Variants in PDLIM5 observed in about 807,000 individuals in gnomAD.
PDLIM5 encodes PDZ and LIM domain 5.
Under a neutral mutation model 64.2 loss-of-function variants are expected in PDLIM5, and 34 were observed. The observed-to-expected ratio is 0.53, with a 90% CI of 0.40 to 0.71. PDLIM5 has a LOEUF of 0.71. Among genes scored for constraint, PDLIM5 ranks in the 30% least tolerant of loss-of-function variants. The pLI, the probability that PDLIM5 is intolerant of heterozygous loss-of-function variation, is 0.00. For synonymous variants in PDLIM5, 253 were observed against 269.1 expected (o/e 0.94, Z 0.59); for missense variants, 683 against 733.6 (o/e 0.93, Z 0.80).
At chr4:94,475,906 T>C (rs1027737229) in intron 2 of PDLIM5, among the ~76,000 whole-genome samples, 4 of 152,170 alleles carry the variant, frequency 2.6e-5, no homozygotes, top group African/African-American at 9.7e-5. Context: ...CAAGACAGTG[T>C]AAAGTTTGTC....
intron 3 of PDLIM5, chr4:94,549,708 T>TAG (rs1316068210): frequency 6.6e-6 from 1 of 152,198 alleles, no homozygotes; most frequent in African/African-American, 2.4e-5. Context: ...ACACACATGT[T>TAG]AGAGGGCAAT....
intron 2 of PDLIM5, among the ~76,000 whole-genome samples, chr4:94,509,809 G>A (rs199752548): frequency 1.9e-4 from 29 of 150,500 alleles, no homozygotes; most frequent in East Asian, 7.9e-4. Flanking sequence ...TTTTCTGTCT[G>A]CTTTATATTC....
At chr4:94,587,600 AG>A in intron 7 of PDLIM5, 1 of 972,266 alleles carries the variant, frequency 1.0e-6, no homozygotes, top group Non-Finnish European at 1.2e-6. Context: ...ATTAAAGAAG[AG>A]TGCGTGCATT....
chr4:94,645,443 T>C (rs1741337720), intron 9 of PDLIM5, among the ~76,000 whole-genome samples: 1 of 152,214 alleles, frequency 6.6e-6, no homozygotes, highest in Non-Finnish European at 1.5e-5. Context: ...TATGCCTGTT[T>C]TACAGATGGA....
Position 94,575,901 on chromosome 4 carries a change from G to A in PDLIM5, c.577G>A (p.Ala193Thr), listed in dbSNP as rs761869114. ...ANLSADQSPS[A>T]LSAGKTAVNV... The stretch of plus-strand genomic sequence containing the variant: ...TCTTAGTGCTGACCAGTCTCCATCT[G>A]CACTGAGCGCTGGTAAAACTGCAGT... The change falls in exon 5 of 13, where the codon GCA becomes ACA. Residue 193 changes from alanine (A) to threonine (T), a missense_variant. Coordinates refer to ENST00000317968, the MANE Select transcript of PDLIM5 (RefSeq NM_006457.5). 2.5e-6 allele frequency: 4 copies of A among 1,614,128 alleles called. No homozygotes were observed. The highest frequency in any genetic ancestry group is 3.4e-6 in the Non-Finnish European group (4 of 1,180,028).
intron 2 of PDLIM5, among the ~76,000 whole-genome samples, chr4:94,461,802 GA>G (rs1344594271): frequency 2.0e-5 from 3 of 152,154 alleles, no homozygotes; most frequent in African/African-American, 7.2e-5. Context: ...GTAAATAGAG[GA>G]GAGTAAAATG....
chr4:94,650,012 A>C (rs985884075), intron 9 of PDLIM5, among the ~76,000 whole-genome samples: 2 of 152,220 alleles, frequency 1.3e-5, no homozygotes, highest in Non-Finnish European at 2.9e-5. Flanking sequence ...CTGAAAGTTA[A>C]AGTTGACATT....
At chr4:94,457,639 T>G (rs1048704697) in intron 2 of PDLIM5, among the ~76,000 whole-genome samples, 2 of 152,230 alleles carry the variant, frequency 1.3e-5, no homozygotes, top group African/African-American at 2.4e-5. Context: ...GTAATAGAAA[T>G]GCAAATAGAG....
intron 3 of PDLIM5, among the ~76,000 whole-genome samples, chr4:94,527,632 GGAAGCA>G (rs145000965): frequency 0.018 from 2,672 of 152,276 alleles, 77 homozygotes; most frequent in African/African-American, 0.061. Context: ...AACAGGATTG[GGAAGCA>G]GAAGAAACTG....
chr4:94,525,793 T>TTA (rs1241497604), intron 3 of PDLIM5, among the ~76,000 whole-genome samples: 1 of 152,212 alleles, frequency 6.6e-6, no homozygotes, highest in African/African-American at 2.4e-5. Context: ...GAATCAATGT[T>TTA]TATATGTATT....
intron 7 of PDLIM5, 84 bp downstream of exon 7, chr4:94,586,528 G>A: frequency 1.3e-6 from 1 of 782,812 alleles, no homozygotes; most frequent in African/African-American, 1.8e-5. Flanking sequence ...CAAGTATAAT[G>A]GTATGGCATT....
intron 2 of PDLIM5, among the ~76,000 whole-genome samples, chr4:94,461,639 T>C (rs1399867789): frequency 1.3e-5 from 2 of 152,194 alleles, no homozygotes; most frequent in Non-Finnish European, 2.9e-5. Flanking sequence ...TATAGTTATC[T>C]ACCCTTCTGT....
intron 5 of PDLIM5, chr4:94,577,366 C>T (rs1226613727): frequency 2.2e-6 from 1 of 456,578 alleles, no homozygotes; most frequent in East Asian, 7.0e-5. Flanking sequence ...GGTGGCAAAA[C>T]TCCAGGCTGC....
intron 9 of PDLIM5, 38 bp downstream of exon 9, chr4:94,640,488 T>G: frequency 7.9e-7 from 1 of 1,268,674 alleles, no homozygotes. Flanking sequence ...AAGTACTTAA[T>G]ATCAATGTTG....
At chr4:94,631,777 C>T (rs978758254) in intron 8 of PDLIM5, among the ~76,000 whole-genome samples, 1 of 152,194 alleles carries the variant, frequency 6.6e-6, no homozygotes, top group African/African-American at 2.4e-5. Flanking sequence ...CCGTGACATA[C>T]TCTTCTGGTT....
At chr4:94,533,724 A>G (rs1731088264) in intron 3 of PDLIM5, among the ~76,000 whole-genome samples, 1 of 152,150 alleles carries the variant, frequency 6.6e-6, no homozygotes, top group African/African-American at 2.4e-5. Context: ...CTCTCTTCCT[A>G]TTTCTCTCTT....
intron 2 of PDLIM5, among the ~76,000 whole-genome samples, chr4:94,472,172 A>T (rs544776713): frequency 1.3e-5 from 2 of 152,088 alleles, no homozygotes; most frequent in Non-Finnish European, 2.9e-5. Context: ...GCGCACACAC[A>T]CACACGCACA....
At chr4:94,507,657 G>A (rs1360865385) in intron 2 of PDLIM5, among the ~76,000 whole-genome samples, 1 of 152,134 alleles carries the variant, frequency 6.6e-6, no homozygotes, top group Non-Finnish European at 1.5e-5. Context: ...ATAATTTTTG[G>A]TGTACACAAG....
At chr4:94,456,551 T>C (rs1372790221) in intron 2 of PDLIM5, 4 of 719,046 alleles carry the variant, frequency 5.6e-6, no homozygotes, top group Non-Finnish European at 1.0e-5. Flanking sequence ...GAGATCATTC[T>C]CTATTAATAT....
Sources: gnomAD v4.1 joint callset for allele counts (sites outside exome capture counted in the v4.1 genomes callset) on GRCh38, gnomAD v4.1.1 for gene constraint, MANE v1.5 for transcripts, NCBI Gene and HGNC (gene_info 2026-07-23, HGNC 2026-07-21) for gene names.